Variants in ACYP2 observed in about 807,000 individuals in gnomAD.
The protein encoded by ACYP2 is acylphosphatase-2.
In ACYP2, 12 loss-of-function variants were observed where a neutral mutation model predicts 11.2. The ratio of observed to expected loss-of-function variants is 1.08; its 90% CI spans 0.69 to 1.74. ACYP2 has a LOEUF of 1.74. ACYP2 is among the 40% of genes most tolerant of loss of function. The pLI is 0.00. For missense variants in ACYP2, 134 were observed against 101.9 expected, an observed-to-expected ratio of 1.31 and a Z score of -1.35; for synonymous variants, 43 against 32.2, an observed-to-expected ratio of 1.33 and a Z score of -1.13.
intron 6 of ACYP2, among the ~76,000 whole-genome samples, chr2:54,163,214 A>G (rs1303941258): frequency 1.3e-5 from 2 of 152,352 alleles, no homozygotes; most frequent in Admixed American, 1.3e-4. Flanking sequence ...GGCCATAACC[A>G]TGCCTGCATG....
Position 54,303,017 on chromosome 2 carries a change from A to G in ACYP2, c.405-1671A>G, listed in dbSNP as rs370973521. Among the ~76,000 whole-genome samples the G allele has an allele frequency of 5.1e-4, 78 of 152,320 alleles. 2 individuals are homozygous for G. In the South Asian group the frequency reaches 0.016, roughly 32 times the overall value. The stretch of plus-strand genomic sequence containing the variant: ...ATGACTTACAGGGTTCTTGTGTGGA[A>G]TAAAAGATAAGACATGTAAAGAACT... On this transcript the variant is annotated intron_variant, in intron 6 of 6. Transcript: ENST00000607452.
chr2:54,119,265 T>A (rs1420964670), intron 4 of ACYP2, among the ~76,000 whole-genome samples: 1 of 151,816 alleles, frequency 6.6e-6, no homozygotes, highest in Non-Finnish European at 1.5e-5. Context: ...CTATGTTGAC[T>A]AGGCTGGTTT....
chr2:54,097,626 A>G (rs1678661420), intron 4 of ACYP2, among the ~76,000 whole-genome samples: 2 of 151,730 alleles, frequency 1.3e-5, no homozygotes, highest in African/African-American at 4.8e-5. Context: ...CTAGGAATCT[A>G]TTACACAGCT....
chr2:53,982,896 A>G (rs1671843596), intron 2 of ACYP2, among the ~76,000 whole-genome samples: 1 of 146,414 alleles, frequency 6.8e-6, no homozygotes, highest in Admixed American at 6.9e-5. Context: ...TTCAGGGAGA[A>G]CCAGGGATTT....
chr2:54,285,388 C>T (rs1573051406), intron 6 of ACYP2, among the ~76,000 whole-genome samples: 1 of 152,328 alleles, frequency 6.6e-6, no homozygotes, highest in African/African-American at 2.4e-5. Context: ...GACCACTTCT[C>T]TTCTGTTTCC....
At chr2:54,228,972 A>AT (rs1194496061) in intron 6 of ACYP2, among the ~76,000 whole-genome samples, 1 of 152,148 alleles carries the variant, frequency 6.6e-6, no homozygotes. Flanking sequence ...TTGACAAAAG[A>AT]TTTCTTATGT....
chr2:54,169,680 T>TA (rs1683147325), intron 6 of ACYP2, among the ~76,000 whole-genome samples: 1 of 152,206 alleles, frequency 6.6e-6, no homozygotes, highest in Non-Finnish European at 1.5e-5. Flanking sequence ...CCATGAAACT[T>TA]ACGGTTTTTT....
intron 4 of ACYP2, among the ~76,000 whole-genome samples, chr2:54,085,560 G>A (rs1479160349): frequency 6.6e-6 from 1 of 152,030 alleles, no homozygotes; most frequent in Non-Finnish European, 1.5e-5. Flanking sequence ...ATGTTTTTGT[G>A]ACCAGAAATA....
chr2:54,248,055 T>A (rs1248989790), intron 6 of ACYP2, among the ~76,000 whole-genome samples: 345 of 152,318 alleles, frequency 2.3e-3, no homozygotes, highest in African/African-American at 8.1e-3. Flanking sequence ...AGCCTGTTGT[T>A]TTTAACTTTT....
chr2:54,093,698 C>T (rs188516529), intron 4 of ACYP2, among the ~76,000 whole-genome samples: 32 of 152,260 alleles, frequency 2.1e-4, no homozygotes, highest in Admixed American at 1.6e-3. Context: ...TCCAGCACTT[C>T]GGGAGGCCGA....
chr2:54,083,384 C>T (rs1304847160), intron 4 of ACYP2, among the ~76,000 whole-genome samples: 2 of 152,166 alleles, frequency 1.3e-5, no homozygotes, highest in African/African-American at 4.8e-5. Context: ...GATGGCAGCA[C>T]ACCAGTCTTC....
At chr2:54,031,031 G>A (rs565100800) in intron 2 of ACYP2, among the ~76,000 whole-genome samples, 14 of 152,282 alleles carry the variant, frequency 9.2e-5, no homozygotes, top group South Asian at 2.1e-4. Context: ...AGTAAGGGGC[G>A]CAGACACAAT....
rs113199205 is a variant in ACYP2, at chr2:54,133,343, G to A, written c.278-2110G>A. ...TATTGCTGCAGCTGCATGCTATTCC[G>A]TTGTGTGGATCTACCACAGTTGTTT... On this transcript the variant is annotated intron_variant, in intron 4 of 6. Coordinates refer to ENST00000607452, the MANE Select transcript of ACYP2 (RefSeq NM_001320586.2). 5.0e-3 allele frequency among the ~76,000 whole-genome samples: 761 copies of A among 152,212 alleles called. 8 individuals carry two copies. Among genetic ancestry groups the A allele is most frequent in the African/African-American group, 0.018 (737 of 41,524 alleles).
At chr2:54,107,138 G>A (rs1679209664) in intron 4 of ACYP2, among the ~76,000 whole-genome samples, 1 of 152,112 alleles carries the variant, frequency 6.6e-6, no homozygotes, top group African/African-American at 2.4e-5. Context: ...GATGGTAGGT[G>A]GCAGCAACAG....
chr2:54,168,277 A>G (rs1488821409), intron 6 of ACYP2, among the ~76,000 whole-genome samples: 2 of 151,946 alleles, frequency 1.3e-5, no homozygotes, highest in Admixed American at 6.6e-5. Flanking sequence ...AAATAAAAAA[A>G]TCACCCAGGC....
At chr2:54,029,192 G>C (rs1344979574) in intron 2 of ACYP2, among the ~76,000 whole-genome samples, 1 of 151,972 alleles carries the variant, frequency 6.6e-6, no homozygotes, top group Non-Finnish European at 1.5e-5. Flanking sequence ...TCTGCCCTTT[G>C]TCAGTTGATT....
At chr2:54,149,153 A>T (rs145341823) in intron 6 of ACYP2, among the ~76,000 whole-genome samples, 146 of 152,346 alleles carry the variant, frequency 9.6e-4, no homozygotes, top group African/African-American at 2.8e-3. Flanking sequence ...AAAGAGAAAA[A>T]TTTTTTAAAA....
intron 4 of ACYP2, among the ~76,000 whole-genome samples, chr2:54,124,586 C>CCCAGTTTGT (rs1201034963): frequency 1.3e-5 from 2 of 152,034 alleles, no homozygotes; most frequent in African/African-American, 2.4e-5. Flanking sequence ...TTATTATCCA[C>CCCAGTTTGT]CCAGTTTGTC....
chr2:54,172,394 C>G (rs1683255463), intron 6 of ACYP2, among the ~76,000 whole-genome samples: 1 of 151,996 alleles, frequency 6.6e-6, no homozygotes, highest in Non-Finnish European at 1.5e-5. Context: ...ACATTTGTAC[C>G]AACTGAAGTG....
Sources: allele counts gnomAD v4.1 joint callset (sites outside exome capture counted in the v4.1 genomes callset), GRCh38; gene constraint gnomAD v4.1.1; transcripts MANE v1.5; gene names NCBI Gene and HGNC (gene_info 2026-07-23, HGNC 2026-07-21).